Variants in UBE2M observed in about 807,000 individuals in gnomAD.
UBE2M encodes NEDD8-conjugating enzyme Ubc12.
Under a neutral mutation model 23.5 loss-of-function variants are expected in UBE2M, and 2 were observed. That is an observed-to-expected ratio of 0.09 (90% confidence interval 0.03 to 0.27). The LOEUF (loss-of-function observed/expected upper bound fraction) is 0.27, where lower values mean the gene tolerates loss of function less well. Ranked by LOEUF, UBE2M falls within the 10% of genes least tolerant of loss-of-function variation. The pLI is 1.00. For missense variants in UBE2M, 103 were observed against 232.9 expected, an observed-to-expected ratio of 0.44 and a Z score of 3.63; for synonymous variants, 97 against 95.2, an observed-to-expected ratio of 1.02 and a Z score of -0.11.
Position 58,556,842 on chromosome 19 carries a change from G to A in UBE2M, c.243+50C>T. 1 of 1,613,664 alleles carries A rather than the reference G, an allele frequency of 6.2e-7. No homozygotes were observed. Among genetic ancestry groups the A allele is most frequent in the Non-Finnish European group, 8.5e-7 (1 of 1,179,746 alleles). On this transcript the variant is annotated intron_variant, in intron 3 of 5. Coordinates refer to ENST00000253023, the MANE Select transcript of UBE2M (RefSeq NM_003969.4). The surrounding 1 kb of genome is among the most constrained non-coding windows in gnomAD (Gnocchi z 4.9). ...TGGGTAGGTGCCTGGAAGGGCCTCAGCTGCTGCCTCCTCTGTCCAGGGAGC... is the reference window on the plus strand; with the variant it reads ...TGGGTAGGTGCCTGGAAGGGCCTCAACTGCTGCCTCCTCTGTCCAGGGAGC...
rs770787289 is a variant in UBE2M at position 58,556,122 on chromosome 19, G to T, written c.519C>A (p.Ile173=). 1.2e-6 allele frequency: 2 copies of T among 1,612,912 alleles called. No individual in the cohort carries two copies. The highest frequency in any genetic ancestry group is 4.5e-5 in the East Asian group (2 of 44,870). The part of the protein sequence containing the change: ...NVQRSMRGGY[I]GSTYFERCLK ...GGCAGCGCTCAAAGTAGGTGGAGCC[G>T]ATGTAGCCACCCCGCATGGAGCGCT... The change falls in exon 6 of 6, where the codon ATC becomes ATA. Residue 173 remains isoleucine (I), a synonymous_variant. Coordinates refer to ENST00000253023, the MANE Select transcript of UBE2M (RefSeq NM_003969.4). This position sits in a 1 kb window ranked among gnomAD's most constrained non-coding sequence, Gnocchi z 4.9.
Position 58,556,523 on chromosome 19 carries a change from A to G in UBE2M, c.348-144T>C. The G allele has an allele frequency of 9.3e-7, 1 of 1,079,918 alleles. No individual in the cohort carries two copies. Among genetic ancestry groups the G allele is most frequent in the Non-Finnish European group, 1.3e-6 (1 of 752,012 alleles). The allele number at this position is 1,079,918 out of a possible 1,614,324, so 66.9% of individuals were successfully genotyped here. ...GGAGGGTGTGGAGCAGGACAGGCCA[A>G]GGAGAAAACCAAGGTCAGGCCATGA... On this transcript the variant is annotated intron_variant, in intron 4 of 5. Coordinates refer to ENST00000253023, the MANE Select transcript of UBE2M (RefSeq NM_003969.4). This position sits in a 1 kb window ranked among gnomAD's most constrained non-coding sequence, Gnocchi z 4.9.
In UBE2M at chr19:58,557,056, C is replaced by A. The variant is rs748311481; in HGVS notation, c.204+7G>T. On this transcript the variant is annotated splice_region_variant and intron_variant, in intron 2 of 5. Coordinates refer to ENST00000253023, the MANE Select transcript of UBE2M (RefSeq NM_003969.4). ...GCTCCTGGGAATTCAGCCATATGCA[C>A]CCTCACCTCATCAGGACAGATGACC... The A allele has an allele frequency of 6.2e-7, 1 of 1,614,080 alleles. No homozygotes were observed. The highest frequency in any genetic ancestry group is 8.5e-7 in the Non-Finnish European group (1 of 1,179,962).
Position 58,555,835 on chromosome 19 carries a change from G to C in UBE2M, c.*254C>G, listed in dbSNP as rs1261171129. 3.7e-6 allele frequency: 2 copies of C among 543,434 alleles called. No homozygotes were observed. Among genetic ancestry groups the C allele is most frequent in the Non-Finnish European group, 6.6e-6 (2 of 304,508 alleles). The allele number at this position is 543,434 out of a possible 1,614,324, so 33.7% of individuals were successfully genotyped here. A position where few individuals can be genotyped will look rare whatever the true frequency, so the allele number is the denominator to read the frequency against. ...ACAGCCCAGAGTGGGGGCTGAACAAGCACCCAGCAGGGGGGCTAGACAAGC... is the reference window on the plus strand; with the variant it reads ...ACAGCCCAGAGTGGGGGCTGAACAACCACCCAGCAGGGGGGCTAGACAAGC... On this transcript the variant is annotated 3_prime_UTR_variant, in exon 6 of 6. Coordinates refer to ENST00000253023, the MANE Select transcript of UBE2M (RefSeq NM_003969.4).
rs187085820 is a variant in UBE2M, at chr19:58,556,878, C to T, written c.243+14G>A. ...CTCTGTCCAGGGAGCCATCCCTGCC[C>T]GCCTGGGACTCACCTTAAAACTGAA... On this transcript the variant is annotated intron_variant, in intron 3 of 5. Coordinates refer to ENST00000253023, the MANE Select transcript of UBE2M (RefSeq NM_003969.4). This position sits in a 1 kb window ranked among gnomAD's most constrained non-coding sequence, Gnocchi z 4.9. 154 of 1,614,046 alleles carry T rather than the reference C, an allele frequency of 9.5e-5. No individual in the cohort carries two copies. In the African/African-American group the frequency reaches 1.7e-3, roughly 18 times the overall value.
At position 58,555,949 on chromosome 19, in the gene UBE2M, C is replaced by T. The variant is rs1161316957; in HGVS notation, c.*140G>A. On this transcript the variant is annotated 3_prime_UTR_variant, in exon 6 of 6. Transcript: ENST00000253023. The stretch of plus-strand genomic sequence containing the variant: ...AAAAAAAAAAAAATAACTAGGGGCA[C>T]GTGGCAGGAAGGGGAGGCAAGGCCA... 11 of 1,198,584 alleles carry T rather than the reference C, an allele frequency of 9.2e-6. No individual in the cohort carries two copies. Among genetic ancestry groups the T allele is most frequent in the Non-Finnish European group, 1.1e-5 (10 of 880,852 alleles). The allele number at this position is 1,198,584 out of a possible 1,614,324, so 74.2% of individuals were successfully genotyped here.
chr19:58,556,471 G>C lies in UBE2M; in HGVS notation c.348-92C>G. 1 of 1,399,572 alleles carries C rather than the reference G, an allele frequency of 7.1e-7. No individual in the cohort carries two copies. The highest frequency in any genetic ancestry group is 1.0e-6 in the Non-Finnish European group (1 of 1,001,220). 86.7% of individuals were successfully genotyped at this position (1,399,572 alleles called of 1,614,324 possible). On this transcript the variant is annotated intron_variant, in intron 4 of 5. Transcript: ENST00000253023. This position sits in a 1 kb window ranked among gnomAD's most constrained non-coding sequence, Gnocchi z 4.9. ...TGGGCAGGTCAGATCCAGGGCATAG[G>C]AGAGTGAGCATGTGAGAGGCTGGGA...
chr19:58,557,231 A>T, intron 1 of UBE2M, 74 bp from the exon 2 acceptor site: 1 of 1,470,808 alleles, frequency 6.8e-7, no homozygotes, highest in Non-Finnish European at 9.5e-7. Context: ...CCAGCAGGAC[A>T]CTTAGGGCGG....
Position 58,558,463 on chromosome 19 carries a change from T to A in UBE2M, c.-82A>T. 1 of 733,746 alleles carries A rather than the reference T, an allele frequency of 1.4e-6. No individual in the cohort carries two copies. Among genetic ancestry groups the A allele is most frequent in the Non-Finnish European group, 1.7e-6 (1 of 601,998 alleles). 45.5% of individuals were successfully genotyped at this position (733,746 alleles called of 1,614,324 possible). A position where few individuals can be genotyped will look rare whatever the true frequency, so the allele number is the denominator to read the frequency against. Reference sequence around the variant, plus strand: ...GCCCCCCGCCGCCGCCCGCGTCGCCTCCGCTCCTCGGACCCGCAGCTGCGG... The same window carrying A: ...GCCCCCCGCCGCCGCCCGCGTCGCCACCGCTCCTCGGACCCGCAGCTGCGG... On this transcript the variant is annotated 5_prime_UTR_variant, in exon 1 of 6. Transcript: ENST00000253023. The surrounding 1 kb of genome is among the most constrained non-coding windows in gnomAD (Gnocchi z 4.7).
chr19:58,557,223 A>G, intron 1 of UBE2M, 66 bp from the exon 2 acceptor site: 1 of 1,491,910 alleles, frequency 6.7e-7, no homozygotes, highest in South Asian at 1.1e-5. Flanking sequence ...AGAGGGAGCC[A>G]GCAGGACACT....
At position 58,558,454 on chromosome 19, in the gene UBE2M, C is replaced by G; in HGVS notation, c.-73G>C. 1 of 832,886 alleles carries G rather than the reference C, an allele frequency of 1.2e-6. No individual in the cohort carries two copies. The highest frequency in any genetic ancestry group is 1.4e-6 in the Non-Finnish European group (1 of 691,824). 51.6% of individuals were successfully genotyped at this position (832,886 alleles called of 1,614,324 possible). A position where few individuals can be genotyped will look rare whatever the true frequency, so the allele number is the denominator to read the frequency against. ...GGCCACCCGGCCCCCCGCCGCCGCCCGCGTCGCCTCCGCTCCTCGGACCCG... is the reference window on the plus strand; with the variant it reads ...GGCCACCCGGCCCCCCGCCGCCGCCGGCGTCGCCTCCGCTCCTCGGACCCG... On this transcript the variant is annotated 5_prime_UTR_variant, in exon 1 of 6. Transcript: ENST00000253023. The surrounding 1 kb of genome is among the most constrained non-coding windows in gnomAD (Gnocchi z 4.7).
Position 58,556,979 on chromosome 19 carries a change from G to C in UBE2M, c.205-49C>G, listed in dbSNP as rs1568670431. The C allele has an allele frequency of 6.2e-7, 1 of 1,613,790 alleles. No homozygotes were observed. The highest frequency in any genetic ancestry group is 1.1e-5 in the South Asian group (1 of 91,086). On this transcript the variant is annotated intron_variant, in intron 2 of 5. Transcript: ENST00000253023. This position sits in a 1 kb window ranked among gnomAD's most constrained non-coding sequence, Gnocchi z 4.9. ...AAATTTTAGGGTTCCATCCTGTGGGGCCCGATGGGCAGAACATGTCTCCCT... is the reference window on the plus strand; with the variant it reads ...AAATTTTAGGGTTCCATCCTGTGGGCCCCGATGGGCAGAACATGTCTCCCT...
chr19:58,557,263 A>G, intron 1 of UBE2M, 106 bp from the exon 2 acceptor site: 3 of 1,156,132 alleles, frequency 2.6e-6, no homozygotes, highest in Admixed American at 3.5e-5. Context: ...CAGAGCCCCC[A>G]TCGTCTCCTC....
rs371025308 is a variant in UBE2M, at chr19:58,558,348, T to C, written c.34A>G (p.Lys12Glu). 5.7e-5 allele frequency: 90 copies of C among 1,585,650 alleles called. No homozygotes were observed. Among genetic ancestry groups the C allele is most frequent in the Admixed American group, 6.9e-5 (4 of 57,788 alleles). Residue 12 changes from lysine to glutamate, a missense_variant, in exon 1 of 6, where the codon AAG (lysine) becomes GAG (glutamate). By Grantham distance (56) the Lys-to-Glu change is moderately conservative. Transcript: ENST00000253023. The surrounding 1 kb of genome is among the most constrained non-coding windows in gnomAD (Gnocchi z 4.7). ...GTGCCGCCCGCCGACTCCTCCTCCT[T>C]CTTCTGCTGCTTCAGCGAGAACAGC... Reference protein sequence around the residue: ...IKLFSLKQQKKEEESAGGTKG... With the variant: ...IKLFSLKQQKEEEESAGGTKG...
Position 58,556,441 on chromosome 19 carries a change from G to C in UBE2M, c.348-62C>G, listed in dbSNP as rs1310811416. On this transcript the variant is annotated intron_variant, in intron 4 of 5. Coordinates refer to ENST00000253023, the MANE Select transcript of UBE2M (RefSeq NM_003969.4). This position sits in a 1 kb window ranked among gnomAD's most constrained non-coding sequence, Gnocchi z 4.9. ...GTGGGAGACTGCCACAGGCCCCTCT[G>C]GTGTTGGGCAGGTCAGATCCAGGGC... 1 of 1,562,854 alleles carries C rather than the reference G, an allele frequency of 6.4e-7. No homozygotes were observed. Among genetic ancestry groups the C allele is most frequent in the African/African-American group, 1.4e-5 (1 of 73,692 alleles).
rs1184828254 is a variant in UBE2M, at chr19:58,558,535, GCTCCT to G, written c.-159_-155del. 4.8e-6 allele frequency: 1 copy of G among 207,050 alleles called. No homozygotes were observed. The highest frequency in any genetic ancestry group is 2.4e-5 in the African/African-American group (1 of 42,100). 12.8% of individuals were successfully genotyped at this position (207,050 alleles called of 1,614,324 possible). A position where few individuals can be genotyped will look rare whatever the true frequency, so the allele number is the denominator to read the frequency against. ...CCCGCCCGGCCTGCCGCGCCGCTCC[GCTCCT>G]CTCCGCGCCCACCGCGCGGCCCGCC... On this transcript the variant is annotated 5_prime_UTR_variant, in exon 1 of 6. Transcript: ENST00000253023. This position sits in a 1 kb window ranked among gnomAD's most constrained non-coding sequence, Gnocchi z 4.7.
Position 58,558,384 on chromosome 19 carries a change from T to A in UBE2M, c.-3A>T. On this transcript the variant is annotated 5_prime_UTR_variant, in exon 1 of 6. Coordinates refer to ENST00000253023, the MANE Select transcript of UBE2M (RefSeq NM_003969.4). This position sits in a 1 kb window ranked among gnomAD's most constrained non-coding sequence, Gnocchi z 4.7. ...TTCAGCGAGAACAGCTTGATCATCC[T>A]GCCGCCGCCGCCGCCGCTGCCGCCG... 7.1e-7 allele frequency: 1 copy of A among 1,401,496 alleles called. No individual in the cohort carries two copies. 86.8% of individuals were successfully genotyped at this position (1,401,496 alleles called of 1,614,324 possible). A position where few individuals can be genotyped will look rare whatever the true frequency, so the allele number is the denominator to read the frequency against.
Position 58,558,405 on chromosome 19 carries a change from C to T in UBE2M, c.-24G>A, listed in dbSNP as rs555141749. The T allele has an allele frequency of 2.3e-4, 299 of 1,278,150 alleles. No homozygotes were observed. Among genetic ancestry groups the T allele is most frequent in the East Asian group, 2.1e-3 (54 of 25,206 alleles). The allele number at this position is 1,278,150 out of a possible 1,614,324, so 79.2% of individuals were successfully genotyped here. A position where few individuals can be genotyped will look rare whatever the true frequency, so the allele number is the denominator to read the frequency against. ...ATCCTGCCGCCGCCGCCGCCGCTGC[C>T]GCCGCCGCGGGGCCCGGGACCCCGG... On this transcript the variant is annotated 5_prime_UTR_variant, in exon 1 of 6. Coordinates refer to ENST00000253023, the MANE Select transcript of UBE2M (RefSeq NM_003969.4). This position sits in a 1 kb window ranked among gnomAD's most constrained non-coding sequence, Gnocchi z 4.7.
rs2053885825 is a variant in UBE2M at position 58,555,854 on chromosome 19, G to C, written c.*235C>G. 3 of 585,610 alleles carry C rather than the reference G, an allele frequency of 5.1e-6. No homozygotes were observed. Among genetic ancestry groups the C allele is most frequent in the Non-Finnish European group, 9.0e-6 (3 of 334,562 alleles). The allele number at this position is 585,610 out of a possible 1,614,324, so 36.3% of individuals were successfully genotyped here. A position where few individuals can be genotyped will look rare whatever the true frequency, so the allele number is the denominator to read the frequency against. On this transcript the variant is annotated 3_prime_UTR_variant, in exon 6 of 6. Transcript: ENST00000253023. ...GAACAAGCACCCAGCAGGGGGGCTA[G>C]ACAAGCCAATTCATTTCCCATCGCT...
Sources: gnomAD v4.1 joint callset for allele counts on GRCh38, gnomAD v4.1.1 for gene constraint, Gnocchi (gnomAD v3.1) non-coding constraint, MANE v1.5 for transcripts, NCBI Gene and HGNC (gene_info 2026-07-23, HGNC 2026-07-21) for gene names.